NLGN2: variants seen among roughly 807,000 people sequenced by gnomAD.
NLGN2 encodes the protein neuroligin-2.
A neutral mutation model predicts 48.6 loss-of-function variants in NLGN2; 11 were observed. The ratio of observed to expected loss-of-function variants is 0.23; its 90% CI spans 0.14 to 0.37. NLGN2 has a LOEUF of 0.37. NLGN2 is among the 10% of genes least tolerant of loss of function. The probability of loss-of-function intolerance (pLI) is 1.00; values close to 1 mark genes in which losing one functional copy is unlikely to be tolerated. For missense variants in NLGN2, 801 were observed against 1,225.2 expected (o/e 0.65, Z 5.17); for synonymous variants, 548 against 550.0 (o/e 1.00, Z 0.05).
Position 7,417,087 on chromosome 17 carries a change from C to T in NLGN2, c.1796C>T (p.Ala599Val). 1 of 1,613,712 alleles carries T rather than the reference C, an allele frequency of 6.2e-7. No homozygotes were observed. Residue 599 changes from alanine (A) to valine (V), a missense_variant, in exon 7 of 7, where the codon GCC (alanine) becomes GTC (valine). This residue lies in a region of NLGN2 where 303 missense variants were observed against 600.1 expected (regional missense o/e 0.50). Transcript: ENST00000302926. The part of the protein sequence containing the change: ...VRDNYRANKV[A>V]FWLELVPHLH... ...GACAACTACCGCGCCAACAAGGTGG[C>T]CTTCTGGCTGGAGCTCGTGCCCCAC...
Position 7,417,400 on chromosome 17 carries a change from G to C in NLGN2, c.2109G>C (p.Arg703=), listed in dbSNP as rs930603373. ...CTGCCCTCTACTACAAGCGGGACCG[G>C]CGGCAGGAGCTGCGGTGCAGGCGGC... The part of the protein sequence containing the change: ...AFAALYYKRD[R]RQELRCRRLS... The change falls in exon 7 of 7, where the codon CGG becomes CGC. Residue 703 remains arginine, a synonymous_variant. Transcript: ENST00000302926. The C allele has an allele frequency of 5.0e-6, 8 of 1,609,956 alleles. No homozygotes were observed. The African/African-American group carries it at 1.1e-4, about 22-fold the overall frequency.
chr17:7,411,312 G>A lies in NLGN2; in HGVS notation c.458-845G>A, dbSNP rs561714726. 2.0e-5 allele frequency among the ~76,000 whole-genome samples: 3 copies of A among 152,328 alleles called. No homozygotes were observed. Among genetic ancestry groups the A allele is most frequent in the East Asian group, 3.9e-4 (2 of 5,186 alleles). On this transcript the variant is annotated intron_variant, in intron 1 of 6. Transcript: ENST00000302926. This position sits in a 1 kb window ranked among gnomAD's most constrained non-coding sequence, Gnocchi z 4.5. ...GGTGGGAAATTCACCATTTTGGGGG[G>A]AGGAGAGGAAGCCTGGGTAAGGGAC...
At chr17:7,410,454 C>G (rs1243368743) in intron 1 of NLGN2, among the ~76,000 whole-genome samples, 3 of 152,100 alleles carry the variant, frequency 2.0e-5, no homozygotes, top group Admixed American at 2.0e-4. Context: ...AAGAGCTGTG[C>G]ACACCACACT....
chr17:7,406,167 TA>T (rs973853810), upstream of NLGN2, among the ~76,000 whole-genome samples: 2 of 151,098 alleles, frequency 1.3e-5, no homozygotes, highest in Admixed American at 6.6e-5. Flanking sequence ...GAGAAAGATG[TA>T]AAAAGACCGA....
chr17:7,408,349 G>GGCATCGGCA lies in NLGN2; in HGVS notation c.96_97insATCGGCAGC (p.Gly32_Leu33insIleGlySer). Reference sequence around the variant, plus strand: ...CGGCGCCCCGGGCGGCCCCGGCCTGGGCCTCGGCAGCCTCGGCGAGGAGCG... The same window carrying GGCATCGGCA: ...CGGCGCCCCGGGCGGCCCCGGCCTGGGCATCGGCAGCCTCGGCAGCCTCGGCGAGGAGCG... On this transcript the variant is annotated inframe_insertion, in exon 1 of 7. Transcript: ENST00000302926. The surrounding 1 kb of genome is among the most constrained non-coding windows in gnomAD (Gnocchi z 7.5). 1 of 1,482,070 alleles carries GGCATCGGCA rather than the reference G, an allele frequency of 6.7e-7. No homozygotes were observed. The highest frequency in any genetic ancestry group is 8.9e-7 in the Non-Finnish European group (1 of 1,119,582). The allele number at this position is 1,482,070 out of a possible 1,614,324, so 91.8% of individuals were successfully genotyped here. A position where few individuals can be genotyped will look rare whatever the true frequency, so the allele number is the denominator to read the frequency against.
At position 7,415,619 on chromosome 17, in the gene NLGN2, C is replaced by T. The variant is rs754813724; in HGVS notation, c.1146C>T (p.Val382=). Residue 382 remains valine, a synonymous_variant, in exon 6 of 7, where the codon GTC becomes GTT. Coordinates refer to ENST00000302926, the MANE Select transcript of NLGN2 (RefSeq NM_020795.4). The part of the protein sequence containing the change: ...EFLNYDMLIG[V]NQGEGLKFVE... The stretch of plus-strand genomic sequence containing the variant: ...TCAACTACGACATGCTCATCGGCGT[C>T]AACCAGGGAGAGGGCCTCAAGTTCG... 1 of 1,613,662 alleles carries T rather than the reference C, an allele frequency of 6.2e-7. No homozygotes were observed. The highest frequency in any genetic ancestry group is 8.5e-7 in the Non-Finnish European group (1 of 1,179,546).
upstream of NLGN2, among the ~76,000 whole-genome samples, chr17:7,406,175 C>T (rs1008725425): frequency 5.3e-5 from 8 of 152,064 alleles, no homozygotes; most frequent in Admixed American, 1.3e-4. Flanking sequence ...TGTAAAAAGA[C>T]CGAGGGTGAG....
upstream of NLGN2, among the ~76,000 whole-genome samples, chr17:7,406,389 C>A (rs1906639358): frequency 6.6e-6 from 1 of 151,482 alleles, no homozygotes. Context: ...GGGGAGGGGG[C>A]AGCAAGGCCA....
At chr17:7,415,192 A>C (rs778041282) in intron 5 of NLGN2, 44 bp downstream of exon 5, 3 of 1,527,898 alleles carry the variant, frequency 2.0e-6, no homozygotes, top group Non-Finnish European at 2.6e-6. Flanking sequence ...CAAGGTTCCA[A>C]GGAGGCTGAG....
chr17:7,406,329 G>C (rs572906835), upstream of NLGN2, among the ~76,000 whole-genome samples: 1 of 151,926 alleles, frequency 6.6e-6, no homozygotes, highest in South Asian at 2.1e-4. Context: ...CAGGGGCCCA[G>C]AGTACCCTCA....
chr17:7,414,609 G>T (rs1907023645), intron 3 of NLGN2, 54 bp from the exon 4 acceptor site: 4 of 1,611,584 alleles, frequency 2.5e-6, no homozygotes, highest in Non-Finnish European at 3.4e-6. Flanking sequence ...TGCCCAGAAA[G>T]GGGGCAGGGG....
In NLGN2 at chr17:7,417,863, G is replaced by T; in HGVS notation, c.*64G>T. ...GCCCGGCCACTCCGAAGGCAGGGAG[G>T]AGGACTTGGCAACTGGCTTTTCTCC... On this transcript the variant is annotated 3_prime_UTR_variant, in exon 7 of 7. Transcript: ENST00000302926. The T allele has an allele frequency of 7.4e-7, 1 of 1,342,712 alleles. No homozygotes were observed. The highest frequency in any genetic ancestry group is 3.4e-5 in the Admixed American group (1 of 29,342). 83.2% of individuals were successfully genotyped at this position (1,342,712 alleles called of 1,614,324 possible).
At chr17:7,405,527 A>C (rs1906600009), upstream of NLGN2, 1 of 151,860 alleles carries the variant, frequency 6.6e-6, no homozygotes, top group South Asian at 2.1e-4. This position sits in a 1 kb window ranked among gnomAD's most constrained non-coding sequence, Gnocchi z 6.8. Context: ...GCGGGGGCTC[A>C]GAGGCCGCCG....
intron 1 of NLGN2, among the ~76,000 whole-genome samples, chr17:7,410,417 T>TG: frequency 6.6e-6 from 1 of 152,138 alleles, no homozygotes; most frequent in Middle Eastern, 3.4e-3. Flanking sequence ...ATGCCCCACG[T>TG]GCCCCCCAGT....
rs1233421066 is a variant in NLGN2 at position 7,418,889 on chromosome 17, G to C, written c.*1090G>C. 1 of 152,684 alleles carries C rather than the reference G, an allele frequency of 6.5e-6. No individual in the cohort carries two copies. The highest frequency in any genetic ancestry group is 1.9e-4 in the East Asian group (1 of 5,194). The allele number at this position is 152,684 out of a possible 1,614,324, so 9.5% of individuals were successfully genotyped here. On this transcript the variant is annotated 3_prime_UTR_variant, in exon 7 of 7. Transcript: ENST00000302926. ...CGTGCCAAACTGGGTAGGTGGATTT[G>C]AGCGGAAAGACTCCCAAAATGTGCC...
rs1483827286 is a variant in NLGN2 at position 7,408,764 on chromosome 17, C to T, written c.457+52C>T. On this transcript the variant is annotated intron_variant, in intron 1 of 6. Coordinates refer to ENST00000302926, the MANE Select transcript of NLGN2 (RefSeq NM_020795.4). The surrounding 1 kb of genome is among the most constrained non-coding windows in gnomAD (Gnocchi z 7.5). ...ACCCCGTGGACACAGCCCACAAACG[C>T]ACATGCAGACCCTCAGGCACTGGCA... 10 of 1,610,484 alleles carry T rather than the reference C, an allele frequency of 6.2e-6. No individual in the cohort carries two copies. Among genetic ancestry groups the T allele is most frequent in the South Asian group, 1.1e-5 (1 of 90,872 alleles).
chr17:7,410,383 C>T (rs1215629998), intron 1 of NLGN2, among the ~76,000 whole-genome samples: 3 of 151,998 alleles, frequency 2.0e-5, no homozygotes, highest in Non-Finnish European at 2.9e-5. Flanking sequence ...ACCCTAGTTC[C>T]CCATAAGCCA....
rs1906766767 is a variant in NLGN2, at chr17:7,408,833, G to A, written c.457+121G>A. On this transcript the variant is annotated intron_variant, in intron 1 of 6. Transcript: ENST00000302926. The surrounding 1 kb of genome is among the most constrained non-coding windows in gnomAD (Gnocchi z 7.5). Reference sequence around the variant, plus strand: ...CTGGGCCTTTGTGGGGGCAGTGAGGGACGGAGTGTCCCTGCAACCTCTACG... The same window carrying A: ...CTGGGCCTTTGTGGGGGCAGTGAGGAACGGAGTGTCCCTGCAACCTCTACG... 1 of 1,561,590 alleles carries A rather than the reference G, an allele frequency of 6.4e-7. No homozygotes were observed. Among genetic ancestry groups the A allele is most frequent in the Non-Finnish European group, 8.7e-7 (1 of 1,148,772 alleles).
chr17:7,409,324 C>G (rs1345428307), intron 1 of NLGN2, among the ~76,000 whole-genome samples: 3 of 152,042 alleles, frequency 2.0e-5, no homozygotes, highest in African/African-American at 7.3e-5. Flanking sequence ...CAGGGAAGCT[C>G]CTTGCTGAGG....
Sources: allele counts gnomAD v4.1 joint callset (sites outside exome capture counted in the v4.1 genomes callset), GRCh38; gene constraint gnomAD v4.1.1; regional missense constraint gnomAD v4.1.1; non-coding constraint Gnocchi (gnomAD v3.1); transcripts MANE v1.5; gene names NCBI Gene and HGNC (gene_info 2026-07-23, HGNC 2026-07-21).